VSIG8: variants seen among roughly 807,000 people sequenced by gnomAD.
VSIG8 encodes the protein V-set and immunoglobulin domain containing 8.
A neutral mutation model predicts 42.6 loss-of-function variants in VSIG8; 32 were observed. The observed-to-expected ratio is 0.75, with a 90% confidence interval of 0.57 to 1.01. The LOEUF (loss-of-function observed/expected upper bound fraction) is 1.01. Ranked by LOEUF, VSIG8 falls within the 50% of genes least tolerant of loss-of-function variation. The probability of loss-of-function intolerance (pLI) is 0.00; values close to 1 mark genes in which losing one functional copy is unlikely to be tolerated. For missense variants in VSIG8, 529 were observed against 558.0 expected, an observed-to-expected ratio of 0.95 and a Z score of 0.52; for synonymous variants, 290 against 243.8, an observed-to-expected ratio of 1.19 and a Z score of -1.77.
intron 4 of VSIG8, 72 bp from the exon 5 acceptor site, chr1:159,856,715 G>A: frequency 3.8e-6 from 6 of 1,578,858 alleles, no homozygotes; most frequent in Non-Finnish European, 4.3e-6. Flanking sequence ...TGGGGTGGGG[G>A]ATGGGACACC....
Position 159,862,459 on chromosome 1 carries a change from G to T in VSIG8, c.49+14C>A. The T allele has an allele frequency of 6.2e-7, 1 of 1,610,066 alleles. No homozygotes were observed. Among genetic ancestry groups the T allele is most frequent in the Non-Finnish European group, 8.5e-7 (1 of 1,177,630 alleles). ...CCTCATGCTGGCTACCCTGCCCCCT[G>T]CCCAGCCCCGTACCTGGGCTCAGGC... On this transcript the variant is annotated intron_variant, in intron 1 of 6. Transcript: ENST00000368100.
At position 159,854,590 on chromosome 1, in the gene VSIG8, C is replaced by T; in HGVS notation, c.*163G>A. 7.9e-7 allele frequency: 1 copy of T among 1,270,712 alleles called. No homozygotes were observed. Among genetic ancestry groups the T allele is most frequent in the Non-Finnish European group, 1.0e-6 (1 of 992,384 alleles). 78.7% of individuals were successfully genotyped at this position (1,270,712 alleles called of 1,614,324 possible). On this transcript the variant is annotated 3_prime_UTR_variant, in exon 7 of 7. Transcript: ENST00000368100. ...CCCCTTCCCACTTTTGGGGAGGAGG[C>T]TCTGCCTCCCTACGCATTTCCTTAG...
At chr1:159,855,055 G>A (rs1171488468) in intron 6 of VSIG8, 29 bp from the exon 7 acceptor site, 1 of 1,569,548 alleles carries the variant, frequency 6.4e-7, no homozygotes, top group South Asian at 1.2e-5. Context: ...GGGCGGGTGA[G>A]CGGGCTGCTC....
chr1:159,855,454 G>T, intron 6 of VSIG8: 1 of 1,412,432 alleles, frequency 7.1e-7, no homozygotes, highest in Non-Finnish European at 9.2e-7. Flanking sequence ...CCGAGGCATT[G>T]CAATCATTAG....
chr1:159,862,568 G>T lies in VSIG8; in HGVS notation c.-47C>A, dbSNP rs760057308. On this transcript the variant is annotated 5_prime_UTR_variant, in exon 1 of 7. Transcript: ENST00000368100. ...TCCGTCTGGGCTGGGTATCCCGTGG[G>T]GTCGTAGTGGTGGGTGTGAGGGGGT... The T allele has an allele frequency of 4.4e-6, 7 of 1,591,608 alleles. No homozygotes were observed. The highest frequency in any genetic ancestry group is 1.7e-5 in the Admixed American group (1 of 58,820).
rs752424564 is a variant in VSIG8, at chr1:159,854,810, C to G, written c.1188G>C (p.Ala396=). 2 of 1,504,538 alleles carry G rather than the reference C, an allele frequency of 1.3e-6. No homozygotes were observed. Among genetic ancestry groups the G allele is most frequent in the Non-Finnish European group, 1.8e-6 (2 of 1,134,000 alleles). The allele number at this position is 1,504,538 out of a possible 1,614,324, so 93.2% of individuals were successfully genotyped here. A position where few individuals can be genotyped will look rare whatever the true frequency, so the allele number is the denominator to read the frequency against. The change falls in exon 7 of 7, where the codon GCG becomes GCC. Residue 396 remains alanine, a synonymous_variant. Coordinates refer to ENST00000368100, the MANE Select transcript of VSIG8 (RefSeq NM_001013661.1). ...PSPVYVKVKS[A]EPADCAEGPV... The stretch of plus-strand genomic sequence containing the variant: ...GCCCCTCGGCGCAGTCAGCCGGCTC[C>G]GCGCTCTTGACCTTGACGTAGACCG...
Position 159,862,603 on chromosome 1 carries a change from G to T in VSIG8, c.-82C>A. The T allele has an allele frequency of 8.0e-6, 10 of 1,247,120 alleles. No homozygotes were observed. Among genetic ancestry groups the T allele is most frequent in the African/African-American group, 1.5e-5 (1 of 67,204 alleles). The allele number at this position is 1,247,120 out of a possible 1,614,324, so 77.3% of individuals were successfully genotyped here. A position where few individuals can be genotyped will look rare whatever the true frequency, so the allele number is the denominator to read the frequency against. Reference sequence around the variant, plus strand: ...GTGGGTGTGAGGGGGTAGGTGGAGGGAGGGGGAGCTGAGGGCCCAGACACT... The same window carrying T: ...GTGGGTGTGAGGGGGTAGGTGGAGGTAGGGGGAGCTGAGGGCCCAGACACT... On this transcript the variant is annotated 5_prime_UTR_variant, in exon 1 of 7. Transcript: ENST00000368100.
chr1:159,858,801 C>T lies in VSIG8; in HGVS notation c.161G>A (p.Gly54Asp). 6.2e-7 allele frequency: 1 copy of T among 1,614,042 alleles called. No homozygotes were observed. The highest frequency in any genetic ancestry group is 8.5e-7 in the Non-Finnish European group (1 of 1,179,992). ...CPYVLDPEDY[G>D]PNGLDIEWMQ... ...CCACTCGATGTCCAGCCCATTGGGA[C>T]CATAGTCCTCAGGGTCCAGGACGTA... Residue 54 changes from glycine (G) to aspartate (D), a missense_variant, in exon 2 of 7, where the codon GGT becomes GAT. Transcript: ENST00000368100.
At position 159,855,921 on chromosome 1, in the gene VSIG8, G is replaced by C. The variant is rs1399091916; in HGVS notation, c.933C>G (p.Val311=). 1.9e-6 allele frequency: 3 copies of C among 1,559,972 alleles called. No individual in the cohort carries two copies. The highest frequency in any genetic ancestry group is 1.4e-5 in the African/African-American group (1 of 73,480). The change falls in exon 6 of 7, where the codon GTC becomes GTG. Residue 311 remains valine, a synonymous_variant. Transcript: ENST00000368100. ...GAFGYGNGGG[V]GGGACGDLAS... ...CCAAGTCGCCGCAGGCCCCTCCGCC[G>C]ACCCCGCCGCCGTTGCCGTAGCCGA...
chr1:159,858,094 G>A lies in VSIG8; in HGVS notation c.426C>T (p.Val142=). ...CTTAGAGGAGTCTGGCCATACCTTG[G>A]ACAGTGACAATGACCTTCCGGGTGG... ...TMATRKVIVT[V]QARPAVPMCW... Residue 142 remains valine, a synonymous_variant, in exon 3 of 7, where the codon GTC becomes GTT. Coordinates refer to ENST00000368100, the MANE Select transcript of VSIG8 (RefSeq NM_001013661.1). The A allele has an allele frequency of 1.2e-6, 2 of 1,614,214 alleles. No homozygotes were observed. Among genetic ancestry groups the A allele is most frequent in the Non-Finnish European group, 1.7e-6 (2 of 1,180,032 alleles).
chr1:159,858,812 A>G lies in VSIG8; in HGVS notation c.150T>C (p.Pro50=), dbSNP rs578144083. 15 of 1,613,980 alleles carry G rather than the reference A, an allele frequency of 9.3e-6. No homozygotes were observed. The South Asian group carries it at 1.6e-4, about 18-fold the overall frequency. Residue 50 remains proline (P), a synonymous_variant, in exon 2 of 7, where the codon CCT becomes CCC. Transcript: ENST00000368100. ...VRLGCPYVLD[P]EDYGPNGLDI... ...CCAGCCCATTGGGACCATAGTCCTC[A>G]GGGTCCAGGACGTAGGGGCAGCCCA...
intron 2 of VSIG8, among the ~76,000 whole-genome samples, chr1:159,858,530 A>G (rs1256394040): frequency 6.6e-6 from 1 of 152,236 alleles, no homozygotes; most frequent in Non-Finnish European, 1.5e-5. Context: ...ACTACAACTT[A>G]TCTTCCTTTT....
chr1:159,858,489 T>A (rs995104360), intron 2 of VSIG8, among the ~76,000 whole-genome samples, 198 bp from the exon 3 acceptor site: 2 of 152,234 alleles, frequency 1.3e-5, no homozygotes, highest in African/African-American at 4.8e-5. Context: ...GAAAGATATA[T>A]GGTCAGACTG....
chr1:159,861,173 G>C (rs189397923), intron 1 of VSIG8: 1 of 152,416 alleles, frequency 6.6e-6, no homozygotes, highest in East Asian at 1.9e-4. Context: ...GACTTGAGGA[G>C]AGACAGGAAT....
Position 159,856,627 on chromosome 1 carries a change from G to T in VSIG8, c.669C>A (p.Asp223Glu). Reference sequence around the variant, plus strand: ...CTCTGGAGATATCCTTCAACACCAGGTCCCCATTGTTCAGGCCTGAAAGTG... The same window carrying T: ...CTCTGGAGATATCCTTCAACACCAGTTCCCCATTGTTCAGGCCTGAAAGTG... ...SSINQGLNNG[D>E]LVLKDISRAD... Residue 223 changes from aspartate (D) to glutamate (E), a missense_variant, in exon 5 of 7, where the codon GAC becomes GAA. Asp to Glu is a conservative substitution (Grantham distance 45). Coordinates refer to ENST00000368100, the MANE Select transcript of VSIG8 (RefSeq NM_001013661.1). The T allele has an allele frequency of 6.2e-7, 1 of 1,614,106 alleles. No individual in the cohort carries two copies. The highest frequency in any genetic ancestry group is 1.1e-5 in the South Asian group (1 of 91,078).
chr1:159,858,858 G>T lies in VSIG8; in HGVS notation c.104C>A (p.Ala35Glu), dbSNP rs199709973. The T allele has an allele frequency of 1.4e-5, 23 of 1,614,066 alleles. No homozygotes were observed. Among genetic ancestry groups the T allele is most frequent in the Middle Eastern group, 1.6e-4 (1 of 6,062 alleles). Residue 35 changes from alanine to glutamate, a missense_variant, in exon 2 of 7, where the codon GCA becomes GAA. Physicochemically the swap from Ala to Glu is moderately radical, Grantham distance 107. Coordinates refer to ENST00000368100, the MANE Select transcript of VSIG8 (RefSeq NM_001013661.1). ...GCCCAGCCTCACATTATCACCTTCT[G>T]CCAGGTACAGGACCTCCTGTCCATC... ...NGDGQEVLYL[A>E]EGDNVRLGCP...
rs530007139 is a variant in VSIG8 at position 159,854,866 on chromosome 1, C to A, written c.1132G>T (p.Ala378Ser). The A allele has an allele frequency of 6.8e-6, 10 of 1,460,196 alleles. No homozygotes were observed. In the Admixed American group the frequency reaches 2.1e-4, roughly 31 times the overall value. 90.5% of individuals were successfully genotyped at this position (1,460,196 alleles called of 1,614,324 possible). Residue 378 changes from alanine to serine, a missense_variant, in exon 7 of 7, where the codon GCC (alanine) becomes TCC (serine). Physicochemically the swap from Ala to Ser is moderately conservative, Grantham distance 99 (BLOSUM62 1). Transcript: ENST00000368100. Reference protein sequence around the residue: ...PEDVALAPCTAAAACEAGPSP... With the variant: ...PEDVALAPCTSAAACEAGPSP... ...GGGCCCGCTTCGCAGGCGGCGGCGG[C>A]GGTGCAGGGCGCCAGGGCCACGTCC...
At chr1:159,857,194 C>T (rs1025625041) in intron 4 of VSIG8, among the ~76,000 whole-genome samples, 2 of 152,148 alleles carry the variant, frequency 1.3e-5, no homozygotes, top group African/African-American at 4.8e-5. Flanking sequence ...GATTCAAGCC[C>T]AGCTCTGTCT....
intron 1 of VSIG8, chr1:159,862,243 G>T: frequency 2.2e-6 from 1 of 455,436 alleles, no homozygotes; most frequent in Non-Finnish European, 3.9e-6. Flanking sequence ...GACATATAAA[G>T]ATCCACTCAA....
Sources: allele counts gnomAD v4.1 joint callset (sites outside exome capture counted in the v4.1 genomes callset), GRCh38; gene constraint gnomAD v4.1.1; transcripts MANE v1.5; gene names NCBI Gene and HGNC (gene_info 2026-07-23, HGNC 2026-07-21).